The following ACADL variants were observed in gnomAD, a reference collection of about 807,000 sequenced individuals.
The protein encoded by ACADL is acyl-CoA dehydrogenase long chain.
In ACADL, 60 loss-of-function variants were observed where a neutral mutation model predicts 56.9. The observed-to-expected ratio is 1.05, with a 90% CI of 0.86 to 1.31. The LOEUF (loss-of-function observed/expected upper bound fraction) is 1.31. Ranked by LOEUF, ACADL falls within the 50% of genes most tolerant of loss-of-function variation. The pLI, the probability that ACADL is intolerant of heterozygous loss-of-function variation, is 0.00. For missense variants in ACADL, 484 were observed against 525.5 expected, an observed-to-expected ratio of 0.92 and a Z score of 0.77; for synonymous variants, 158 against 179.7, an observed-to-expected ratio of 0.88 and a Z score of 0.97.
At chr2:210,203,566 T>G (rs545953324) in intron 7 of ACADL, 122 bp from the exon 8 acceptor site, 35 of 640,574 alleles carry the variant, frequency 5.5e-5, no homozygotes, top group Admixed American at 1.4e-4. Context: ...TTAATTTATA[T>G]CTTAACTCCT....
chr2:210,203,502 C>G (rs895155317), intron 7 of ACADL, 58 bp from the exon 8 acceptor site: 6 of 1,026,228 alleles, frequency 5.8e-6, no homozygotes, highest in Non-Finnish European at 7.5e-6. Flanking sequence ...GATTTTCACA[C>G]AATTTCAATT....
Position 210,224,855 on chromosome 2 carries a change from C to G in ACADL, c.77+332G>C, listed in dbSNP as rs977187507. 4.1e-5 allele frequency: 43 copies of G among 1,060,246 alleles called. No individual in the cohort carries two copies. The African/African-American group carries it at 7.2e-4, about 18-fold the overall frequency. 65.7% of individuals were successfully genotyped at this position (1,060,246 alleles called of 1,614,324 possible). ...ACCACCTCCTCCCAAAACGCAGGCT[C>G]CCGGGTCCCACTGCAGGCCGCTGAA... is the stretch of plus-strand genomic sequence containing the variant. On this transcript the variant is annotated intron_variant, in intron 1 of 10. Transcript: ENST00000233710.
intron 8 of ACADL, among the ~76,000 whole-genome samples, chr2:210,198,403 C>T (rs1248374216): frequency 6.6e-6 from 1 of 152,160 alleles, no homozygotes; most frequent in Non-Finnish European, 1.5e-5. Context: ...CCATTTTAGA[C>T]ACATGTCAAG....
At chr2:210,209,105 A>T (rs1343642633) in intron 5 of ACADL, among the ~76,000 whole-genome samples, 4 of 152,240 alleles carry the variant, frequency 2.6e-5, no homozygotes, top group African/African-American at 9.6e-5. Context: ...TATAATTCTT[A>T]GGAGAAATTA....
At chr2:210,193,517 C>T (rs796898517) in intron 9 of ACADL, among the ~76,000 whole-genome samples, 17 of 152,140 alleles carry the variant, frequency 1.1e-4, no homozygotes, top group African/African-American at 4.1e-4. Context: ...TGTTTGTATA[C>T]ATAAACATGC....
At chr2:210,220,504 A>G (rs938661288) in intron 2 of ACADL, 143 bp downstream of exon 2, 1 of 687,428 alleles carries the variant, frequency 1.5e-6, no homozygotes, top group African/African-American at 1.8e-5. Flanking sequence ...CTGGGATCTT[A>G]TAGTACTACA....
intron 10 of ACADL, among the ~76,000 whole-genome samples, chr2:210,190,551 A>T (rs1047355150): frequency 6.6e-6 from 1 of 152,178 alleles, no homozygotes; most frequent in Non-Finnish European, 1.5e-5. Context: ...GTTTAACCAC[A>T]CTGCAGTGAA....
At chr2:210,218,285 C>CT (rs35116912) in intron 2 of ACADL, among the ~76,000 whole-genome samples, 183 bp from the exon 3 acceptor site, 41,973 of 95,210 alleles carry the variant, frequency 0.44, 12,153 homozygotes, top group African/African-American at 0.48. Context: ...CTTTTTTCTG[C>CT]TTTTTTTTTT....
At chr2:210,210,322 G>C in intron 4 of ACADL, 60 bp from the exon 5 acceptor site, 1 of 1,246,526 alleles carries the variant, frequency 8.0e-7, no homozygotes, top group Non-Finnish European at 1.2e-6. Flanking sequence ...TTATACAAAT[G>C]ATATAAGTAT....
Position 210,192,811 on chromosome 2 carries a change from T to C in ACADL, c.1192A>G (p.Ile398Val). The C allele has an allele frequency of 3.1e-6, 5 of 1,612,440 alleles. No homozygotes were observed. The highest frequency in any genetic ancestry group is 1.1e-5 in the South Asian group (1 of 91,054). ...TCAGAAAACTATACTTACTTTGCAA[T>C]TGGGTACTCCCACATGTATCCCCAA... Reference protein sequence around the residue: ...GGWGYMWEYPIAKAYVDARVQ... With the variant: ...GGWGYMWEYPVAKAYVDARVQ... Residue 398 changes from isoleucine to valine, a missense_variant, in exon 10 of 11, where the codon ATT becomes GTT. Transcript: ENST00000233710.
intron 10 of ACADL, among the ~76,000 whole-genome samples, 168 bp from the exon 11 acceptor site, chr2:210,189,222 G>GT: frequency 2.4e-5 from 1 of 42,198 alleles, no homozygotes; most frequent in African/African-American, 4.2e-5. Context: ...TGGAATAATA[G>GT]TAAAAAAAAC....
At chr2:210,202,631 C>CT (rs2125711705) in intron 8 of ACADL, among the ~76,000 whole-genome samples, 1 of 152,256 alleles carries the variant, frequency 6.6e-6, no homozygotes, top group African/African-American at 2.4e-5. Context: ...ACCTTTCCCT[C>CT]TTTATTAAAT....
intron 4 of ACADL, among the ~76,000 whole-genome samples, chr2:210,213,524 G>A (rs1467815649): frequency 6.6e-6 from 1 of 151,930 alleles, no homozygotes; most frequent in Non-Finnish European, 1.5e-5. Flanking sequence ...TCTATACAGG[G>A]ACATATCAAA....
chr2:210,190,706 CA>C (rs961014210), intron 10 of ACADL, among the ~76,000 whole-genome samples: 17 of 151,472 alleles, frequency 1.1e-4, no homozygotes, highest in African/African-American at 3.9e-4. Flanking sequence ...TTAAAGAAGA[CA>C]AAAACAAAAA....
chr2:210,216,088 T>C (rs1046858914), intron 4 of ACADL, among the ~76,000 whole-genome samples: 2 of 152,222 alleles, frequency 1.3e-5, no homozygotes, highest in Non-Finnish European at 2.9e-5. Context: ...GTGAATCTCA[T>C]CCTACACCTA....
intron 1 of ACADL, among the ~76,000 whole-genome samples, chr2:210,224,146 C>T (rs1689226953): frequency 7.2e-6 from 1 of 138,174 alleles, no homozygotes; most frequent in Non-Finnish European, 1.5e-5. Flanking sequence ...TGCTTGAACA[C>T]GGGAGGCGGA....
At chr2:210,211,856 G>C (rs1688988087) in intron 4 of ACADL, among the ~76,000 whole-genome samples, 1 of 136,020 alleles carries the variant, frequency 7.4e-6, no homozygotes, top group Non-Finnish European at 1.6e-5. Context: ...TTGAGACCGA[G>C]TTTTTCTCTT....
intron 1 of ACADL, among the ~76,000 whole-genome samples, chr2:210,221,735 T>A (rs1689178357): frequency 1.3e-5 from 2 of 151,560 alleles, no homozygotes; most frequent in South Asian, 2.1e-4. Context: ...TCCTTTTTTT[T>A]TTTTTTTGTT....
In ACADL at chr2:210,192,904, A is replaced by T. The variant is rs368441451; in HGVS notation, c.1113-14T>A. 1.9e-6 allele frequency: 3 copies of T among 1,602,428 alleles called. No individual in the cohort carries two copies. The highest frequency in any genetic ancestry group is 2.6e-6 in the Non-Finnish European group (3 of 1,169,688). On this transcript the variant is annotated splice_polypyrimidine_tract_variant and intron_variant, in intron 9 of 10. Transcript: ENST00000233710. ...AACTCAGATGCCCTAAATGACCAAA[A>T]TAAAAGGCAGAAAAGAAATGTTTGA...
Sources: allele counts gnomAD v4.1 joint callset (sites outside exome capture counted in the v4.1 genomes callset), GRCh38; gene constraint gnomAD v4.1.1; transcripts MANE v1.5; gene names NCBI Gene and HGNC (gene_info 2026-07-23, HGNC 2026-07-21).